RBCK1: variants seen among roughly 807,000 people sequenced by gnomAD.
RBCK1 encodes RANBP2-type and C3HC4-type zinc finger containing 1, also known as ranBP-type and C3HC4-type zinc finger-containing protein 1.
In RBCK1, 44 loss-of-function variants were observed where a neutral mutation model predicts 71.1. The observed-to-expected ratio is 0.62, with a 90% CI of 0.49 to 0.80. RBCK1 has a LOEUF of 0.80. Among genes scored for constraint, RBCK1 ranks in the 30% least tolerant of loss-of-function variants. The pLI is 0.00. For missense variants in RBCK1, 569 were observed against 685.0 expected (o/e 0.83, Z 1.89); for synonymous variants, 306 against 279.7 (o/e 1.09, Z -0.94).
intron 8 of RBCK1, among the ~76,000 whole-genome samples, chr20:425,241 C>A (rs545079804): frequency 1.3e-5 from 2 of 152,194 alleles, no homozygotes; most frequent in African/African-American, 4.8e-5. Context: ...GAACTCCTGA[C>A]CTCAGGTGAT....
In RBCK1 at chr20:418,621, G is replaced by A. The variant is rs1162896371; in HGVS notation, c.460+691G>A. On this transcript the variant is annotated intron_variant, in intron 4 of 11. Transcript: ENST00000356286. Reference sequence around the variant, plus strand: ...CTGACTTTGTGATCCGCCCGCCTCGGCCTCCCAAAGTGCTGGGATTACAGG... The same window carrying A: ...CTGACTTTGTGATCCGCCCGCCTCGACCTCCCAAAGTGCTGGGATTACAGG... Among the ~76,000 whole-genome samples, 4 of 152,310 alleles carry A rather than the reference G, an allele frequency of 2.6e-5. No homozygotes were observed. In the East Asian group the frequency reaches 7.7e-4, roughly 29 times the overall value.
In RBCK1 at chr20:417,395, TTGTGTGTG is replaced by T. The variant is rs67707964; in HGVS notation, c.168-110_168-103del. 1.0e-5 allele frequency: 8 copies of T among 765,632 alleles called. No individual in the cohort carries two copies. Among genetic ancestry groups the T allele is most frequent in the East Asian group, 2.7e-5 (1 of 36,886 alleles). 47.4% of individuals were successfully genotyped at this position (765,632 alleles called of 1,614,324 possible). On this transcript the variant is annotated intron_variant, in intron 2 of 11. Coordinates refer to ENST00000356286, the MANE Select transcript of RBCK1 (RefSeq NM_031229.4). The surrounding 1 kb of genome is among the most constrained non-coding windows in gnomAD (Gnocchi z 4.7). ...GGTGGGGCCTACCCCAGACTGGGGT[TTGTGTGTG>T]TGTGTGTGTGTGTGTGTGTGCATGG...
chr20:416,300 C>T (rs1375839193), intron 2 of RBCK1, among the ~76,000 whole-genome samples: 2 of 151,854 alleles, frequency 1.3e-5, no homozygotes, highest in East Asian at 1.9e-4. Flanking sequence ...GGACTACAGG[C>T]GCCCGCCACC....
chr20:422,015 A>G lies in RBCK1; in HGVS notation c.918-112A>G, dbSNP rs2016465227. 2 of 741,478 alleles carry G rather than the reference A, an allele frequency of 2.7e-6. No homozygotes were observed. The highest frequency in any genetic ancestry group is 4.5e-6 in the Non-Finnish European group (2 of 441,722). The allele number at this position is 741,478 out of a possible 1,614,324, so 45.9% of individuals were successfully genotyped here. ...GGAAGGAGATATTGAGGAGAAGTCC[A>G]CCTGGGGTGACTGAGTGAGGCCCCT... is the stretch of plus-strand genomic sequence containing the variant. On this transcript the variant is annotated intron_variant, in intron 7 of 11. Transcript: ENST00000356286. This position sits in a 1 kb window ranked among gnomAD's most constrained non-coding sequence, Gnocchi z 5.0.
chr20:429,540 C>T (rs2016915051), intron 11 of RBCK1, among the ~76,000 whole-genome samples: 1 of 152,178 alleles, frequency 6.6e-6, no homozygotes, highest in South Asian at 2.1e-4. Context: ...TTCTTTACAT[C>T]TTTAAATGGT....
rs2017030549 is a variant in RBCK1, at chr20:432,083, T to A, written c.*1653T>A. ...AATTTAAATCGGTTGCCCATCTTTTTAAATTGGCAACATCGTTTACCACAT... is the reference window on the plus strand; with the variant it reads ...AATTTAAATCGGTTGCCCATCTTTTAAAATTGGCAACATCGTTTACCACAT... On this transcript the variant is annotated 3_prime_UTR_variant, in exon 12 of 12. Transcript: ENST00000356286. The surrounding 1 kb of genome is among the most constrained non-coding windows in gnomAD (Gnocchi z 4.3). Among the ~76,000 whole-genome samples, 1 of 152,226 alleles carries A rather than the reference T, an allele frequency of 6.6e-6. No homozygotes were observed. The highest frequency in any genetic ancestry group is 1.5e-5 in the Non-Finnish European group (1 of 68,046).
chr20:421,110 C>T, intron 7 of RBCK1, 79 bp downstream of exon 7: 1 of 1,441,970 alleles, frequency 6.9e-7, no homozygotes, highest in South Asian at 1.4e-5. Flanking sequence ...TGGGTGGGGC[C>T]CTGTGCTCTG....
chr20:414,127 T>C (rs948223483), intron 2 of RBCK1, among the ~76,000 whole-genome samples: 1 of 150,968 alleles, frequency 6.6e-6, no homozygotes, highest in Non-Finnish European at 1.5e-5. Flanking sequence ...GAAACTCCAA[T>C]GAGCAGGTAT....
chr20:420,856 G>A lies in RBCK1; in HGVS notation c.757-15G>A. 1 of 1,466,916 alleles carries A rather than the reference G, an allele frequency of 6.8e-7. No homozygotes were observed. Among genetic ancestry groups the A allele is most frequent in the Non-Finnish European group, 9.1e-7 (1 of 1,103,488 alleles). The allele number at this position is 1,466,916 out of a possible 1,614,324, so 90.9% of individuals were successfully genotyped here. A position where few individuals can be genotyped will look rare whatever the true frequency, so the allele number is the denominator to read the frequency against. ...AGGCCCTGACCCGCCCCGTGGCCCCGCCCCGTGTGCCCAGCGGAAGCAGCA... is the reference window on the plus strand; with the variant it reads ...AGGCCCTGACCCGCCCCGTGGCCCCACCCCGTGTGCCCAGCGGAAGCAGCA... On this transcript the variant is annotated splice_polypyrimidine_tract_variant and intron_variant, in intron 6 of 11. Transcript: ENST00000356286.
rs143871997 is a variant in RBCK1, at chr20:417,741, G to T, written c.271G>T (p.Asp91Tyr). Reference sequence around the variant, plus strand: ...TCTTTGCCCCCACCAGGTTTTTCTGGACTATGGCTTCCCACCAGTCTTGCA... The same window carrying T: ...TCTTTGCCCCCACCAGGTTTTTCTGTACTATGGCTTCCCACCAGTCTTGCA... ...VASLKDMVFL[D>Y]YGFPPVLQQW... The change falls in exon 4 of 12, where the codon GAC becomes TAC. Residue 91 changes from aspartate to tyrosine, a missense_variant. Around this residue, in one of 2 missense-constraint regions of RBCK1, gnomAD observed 358 missense variants for 375.6 expected, o/e 0.95. Coordinates refer to ENST00000356286, the MANE Select transcript of RBCK1 (RefSeq NM_031229.4). The surrounding 1 kb of genome is among the most constrained non-coding windows in gnomAD (Gnocchi z 4.7). The T allele has an allele frequency of 6.2e-7, 1 of 1,612,818 alleles. No homozygotes were observed. The highest frequency in any genetic ancestry group is 8.5e-7 in the Non-Finnish European group (1 of 1,179,034).
rs763808209 is a variant in RBCK1, at chr20:429,142, T to C, written c.1452+48T>C. 3 of 1,573,162 alleles carry C rather than the reference T, an allele frequency of 1.9e-6. No homozygotes were observed. The Admixed American group carries it at 5.4e-5, about 28-fold the overall frequency. On this transcript the variant is annotated intron_variant, in intron 11 of 11. Coordinates refer to ENST00000356286, the MANE Select transcript of RBCK1 (RefSeq NM_031229.4). Reference sequence around the variant, plus strand: ...GTGGAGAGGGTGCCCTTGTGGGCTTTGCCTTAGAGGAGGGCTGGGAAAACT... The same window carrying C: ...GTGGAGAGGGTGCCCTTGTGGGCTTCGCCTTAGAGGAGGGCTGGGAAAACT...
intron 8 of RBCK1, among the ~76,000 whole-genome samples, chr20:425,899 A>G (rs974781113): frequency 2.0e-5 from 3 of 152,188 alleles, no homozygotes; most frequent in African/African-American, 7.2e-5. Context: ...TGTTCAGATT[A>G]CAGGCGTGAT....
chr20:411,066 T>TA (rs2015676983), intron 2 of RBCK1, among the ~76,000 whole-genome samples: 1 of 152,168 alleles, frequency 6.6e-6, no homozygotes, highest in African/African-American at 2.4e-5. Flanking sequence ...AGGCAACCAC[T>TA]AATCTACTTT....
rs1455748046 is a variant in RBCK1, at chr20:419,706, A to T, written c.731A>T (p.Glu244Val). Residue 244 changes from glutamate (E) to valine (V), a missense_variant, in exon 6 of 12, where the codon GAG becomes GTG. Glu to Val is a moderately radical substitution (Grantham distance 121, BLOSUM62 -2). This residue lies in a region of RBCK1 where 358 missense variants were observed against 375.6 expected (regional missense o/e 0.95). Coordinates refer to ENST00000356286, the MANE Select transcript of RBCK1 (RefSeq NM_031229.4). ...EEERARLAGEEEALRQYQQRK... is the reference protein window; with the variant it reads ...EEERARLAGEVEALRQYQQRK... ...GAGCGAGCGCGCCTGGCGGGCGAGG[A>T]GGAGGCGCTGCGTCAGTACCAGCAG... is the stretch of plus-strand genomic sequence containing the variant. 1 of 1,567,296 alleles carries T rather than the reference A, an allele frequency of 6.4e-7. No homozygotes were observed. The highest frequency in any genetic ancestry group is 8.6e-7 in the Non-Finnish European group (1 of 1,160,102).
chr20:427,530 C>T (rs1450146169), intron 9 of RBCK1, 38 bp downstream of exon 9: 4 of 1,606,566 alleles, frequency 2.5e-6, no homozygotes, highest in Non-Finnish European at 3.4e-6. Flanking sequence ...TAGTCACTGT[C>T]ATCTTGCCTG....
At position 430,678 on chromosome 20, in the gene RBCK1, A is replaced by C; in HGVS notation, c.*248A>C. On this transcript the variant is annotated 3_prime_UTR_variant, in exon 12 of 12. Coordinates refer to ENST00000356286, the MANE Select transcript of RBCK1 (RefSeq NM_031229.4). This position sits in a 1 kb window ranked among gnomAD's most constrained non-coding sequence, Gnocchi z 5.6. Reference sequence around the variant, plus strand: ...AGCCTTAAACATAGCCCCTGGCCAGAGGCCTTGCTGGGTGGAGCCTCTGTG... The same window carrying C: ...AGCCTTAAACATAGCCCCTGGCCAGCGGCCTTGCTGGGTGGAGCCTCTGTG... 1 of 550,398 alleles carries C rather than the reference A, an allele frequency of 1.8e-6. No individual in the cohort carries two copies. Among genetic ancestry groups the C allele is most frequent in the South Asian group, 2.1e-5 (1 of 48,432 alleles). 34.1% of individuals were successfully genotyped at this position (550,398 alleles called of 1,614,324 possible). A position where few individuals can be genotyped will look rare whatever the true frequency, so the allele number is the denominator to read the frequency against.
At position 408,775 on chromosome 20, in the gene RBCK1, G is replaced by C; in HGVS notation, c.18G>C (p.Lys6Asn). The C allele has an allele frequency of 6.2e-7, 1 of 1,611,808 alleles. No individual in the cohort carries two copies. Among genetic ancestry groups the C allele is most frequent in the Non-Finnish European group, 8.5e-7 (1 of 1,179,156 alleles). Residue 6 changes from lysine to asparagine, a missense_variant, in exon 1 of 12, where the codon AAG becomes AAC. By Grantham distance (94) the Lys-to-Asn change is moderately conservative (BLOSUM62 0). Transcript: ENST00000356286. MDEKT[K>N]KAEEMALSLT... ...CACGCCAGATGGACGAGAAGACCAA[G>C]AAAGGTGGGCACAGGCTGGAGGTGG...
Position 430,847 on chromosome 20 carries a change from C to G in RBCK1, c.*417C>G, listed in dbSNP as rs549956629. ...TGAGGCCTCTTGGAACTCTTGCTAA[C>G]CTGTTCAGAGCCAGGAAGGAGACTG... On this transcript the variant is annotated 3_prime_UTR_variant, in exon 12 of 12. Transcript: ENST00000356286. The surrounding 1 kb of genome is among the most constrained non-coding windows in gnomAD (Gnocchi z 5.6). 50 of 205,240 alleles carry G rather than the reference C, an allele frequency of 2.4e-4. No individual in the cohort carries two copies. The highest frequency in any genetic ancestry group is 2.0e-3 in the Middle Eastern group (1 of 506). 12.7% of individuals were successfully genotyped at this position (205,240 alleles called of 1,614,324 possible).
In RBCK1 at chr20:408,578, G is replaced by A; in HGVS notation, c.-180G>A. 1 of 746,046 alleles carries A rather than the reference G, an allele frequency of 1.3e-6. No homozygotes were observed. Among genetic ancestry groups the A allele is most frequent in the Non-Finnish European group, 2.3e-6 (1 of 438,482 alleles). The allele number at this position is 746,046 out of a possible 1,614,324, so 46.2% of individuals were successfully genotyped here. On this transcript the variant is annotated 5_prime_UTR_variant, in exon 1 of 12. Coordinates refer to ENST00000356286, the MANE Select transcript of RBCK1 (RefSeq NM_031229.4). ...CGCAGGATCCCGGCCTGGTCACCGG[G>A]CAGTGTGATGCTTCCCGACTGCCGC...
Sources: gnomAD v4.1 joint callset for allele counts (sites outside exome capture counted in the v4.1 genomes callset) on GRCh38, gnomAD v4.1.1 for gene constraint, gnomAD v4.1.1 regional missense constraint, Gnocchi (gnomAD v3.1) non-coding constraint, MANE v1.5 for transcripts, NCBI Gene and HGNC (gene_info 2026-07-23, HGNC 2026-07-21) for gene names.